The following TTC7A variants were observed in gnomAD, a reference collection of about 807,000 sequenced individuals.
TTC7A encodes tetratricopeptide repeat domain 7A.
In TTC7A, 110 loss-of-function variants were observed where a neutral mutation model predicts 103.7. The ratio of observed to expected loss-of-function variants is 1.06; its 90% CI spans 0.91 to 1.24. TTC7A has a LOEUF of 1.24. Among genes scored for constraint, TTC7A ranks in the 50% most tolerant of loss-of-function variants. TTC7A has a pLI of 0.00. For synonymous variants in TTC7A, 521 were observed against 467.9 expected, an observed-to-expected ratio of 1.11 and a Z score of -1.47; for missense variants, 1,340 against 1,116.3, an observed-to-expected ratio of 1.20 and a Z score of -2.86.
intron 19 of TTC7A, among the ~76,000 whole-genome samples, chr2:47,068,877 A>AAG (rs1193224041): frequency 2.1e-5 from 3 of 140,056 alleles, no homozygotes; most frequent in African/African-American, 8.1e-5. Context: ...AAAAAAAAAA[A>AAG]AAAAAAAAAA....
intron 3 of TTC7A, among the ~76,000 whole-genome samples, chr2:46,964,536 A>G (rs1184359861): frequency 2.0e-5 from 3 of 152,110 alleles, no homozygotes; most frequent in African/African-American, 7.2e-5. Flanking sequence ...AGGCTCACCT[A>G]TGGTTCAGCA....
At chr2:46,959,940 C>G (rs2104052723) in intron 3 of TTC7A, among the ~76,000 whole-genome samples, 1 of 152,310 alleles carries the variant, frequency 6.6e-6, no homozygotes, top group Middle Eastern at 3.4e-3. Flanking sequence ...GTCACATTTG[C>G]TTAGAAACAA....
chr2:47,038,216 G>A (rs1468711387), intron 15 of TTC7A, among the ~76,000 whole-genome samples: 1 of 150,270 alleles, frequency 6.7e-6, no homozygotes, highest in Non-Finnish European at 1.5e-5. Flanking sequence ...CCGAGATCAC[G>A]CCACTGCACT....
intron 19 of TTC7A, among the ~76,000 whole-genome samples, chr2:47,071,726 C>G (rs573584481): frequency 6.6e-6 from 1 of 152,178 alleles, no homozygotes; most frequent in Non-Finnish European, 1.5e-5. Flanking sequence ...CTGCAAACCT[C>G]CGAAACTGAG....
At position 46,958,440 on chromosome 2, in the gene TTC7A, C is replaced by G. The variant is rs919481066; in HGVS notation, c.517+1433C>G. On this transcript the variant is annotated intron_variant, in intron 3 of 19. Coordinates refer to ENST00000319190, the MANE Select transcript of TTC7A (RefSeq NM_020458.4). ...CGGGCTTCCTTTCCGGGACTTTCTCCTGAGCCTGGCTCAGGATGGATTGCC... is the reference window on the plus strand; with the variant it reads ...CGGGCTTCCTTTCCGGGACTTTCTCGTGAGCCTGGCTCAGGATGGATTGCC... 3.9e-6 allele frequency: 5 copies of G among 1,280,222 alleles called. No homozygotes were observed. In the African/African-American group the frequency reaches 7.7e-5, roughly 20 times the overall value. The allele number at this position is 1,280,222 out of a possible 1,614,324, so 79.3% of individuals were successfully genotyped here.
intron 1 of TTC7A, among the ~76,000 whole-genome samples, chr2:46,945,288 C>G (rs1670834207): frequency 1.3e-5 from 2 of 152,010 alleles, no homozygotes; most frequent in South Asian, 4.2e-4. Context: ...GAGTCTTGCT[C>G]TGTTGCCAGG....
intron 1 of TTC7A, among the ~76,000 whole-genome samples, chr2:46,947,287 G>A (rs180841216): frequency 1.2e-3 from 178 of 152,262 alleles, no homozygotes; most frequent in African/African-American, 4.0e-3. Flanking sequence ...TTTCAGGGCT[G>A]TAGAGATGAA....
At chr2:47,055,896 C>T (rs141700331) in intron 18 of TTC7A, among the ~76,000 whole-genome samples, 2 of 152,190 alleles carry the variant, frequency 1.3e-5, no homozygotes, top group African/African-American at 4.8e-5. Flanking sequence ...AGCTGGCGCT[C>T]ACCCTTGGTC....
chr2:47,008,298 G>A (rs554527761), intron 10 of TTC7A, among the ~76,000 whole-genome samples: 101 of 152,322 alleles, frequency 6.6e-4, no homozygotes, highest in Non-Finnish European at 1.3e-3. Flanking sequence ...CTCCTGCTCA[G>A]AAAAATTCAC....
chr2:46,993,446 C>G lies in TTC7A; in HGVS notation c.765-4C>G. The G allele has an allele frequency of 6.2e-7, 1 of 1,614,168 alleles. No individual in the cohort carries two copies. ...CAAATCTACTTCTGCCGTCCTCCCA[C>G]CAGGAACATCGTGAAGGGCATGAGA... On this transcript the variant is annotated splice_region_variant and splice_polypyrimidine_tract_variant and intron_variant, in intron 5 of 19. Transcript: ENST00000319190.
At chr2:46,978,975 A>G in intron 5 of TTC7A, 68 bp downstream of exon 5, 1 of 1,123,822 alleles carries the variant, frequency 8.9e-7, no homozygotes, top group Non-Finnish European at 1.3e-6. Flanking sequence ...ACGTGGCCTT[A>G]AGGCTGCTCT....
chr2:47,060,405 T>C (rs1289431163), intron 18 of TTC7A, among the ~76,000 whole-genome samples: 2 of 152,076 alleles, frequency 1.3e-5, no homozygotes, highest in African/African-American at 4.8e-5. Flanking sequence ...AAAAAAAGGC[T>C]GCAGTGAGCC....
chr2:46,917,982 T>C (rs994978296), intron 2 of TTC7A, among the ~76,000 whole-genome samples: 6 of 152,202 alleles, frequency 3.9e-5, no homozygotes, highest in Non-Finnish European at 8.8e-5. Flanking sequence ...CTATCCACCC[T>C]CCCTATGTGA....
intron 5 of TTC7A, among the ~76,000 whole-genome samples, chr2:46,986,511 G>A (rs1408957263): frequency 3.9e-5 from 6 of 152,222 alleles, no homozygotes; most frequent in South Asian, 4.2e-4. Flanking sequence ...GCTCTGTGCT[G>A]GGGGGGAAAG....
At position 47,066,449 on chromosome 2, in the gene TTC7A, G is replaced by C. The variant is rs529853760; in HGVS notation, c.2355+5478G>C. Among the ~76,000 whole-genome samples, 3 of 152,194 alleles carry C rather than the reference G, an allele frequency of 2.0e-5. No individual in the cohort carries two copies. The South Asian group carries it at 6.2e-4, about 32-fold the overall frequency. ...CCATCCAAGCCCAGAGCCTTTTTAG[G>C]TGCTCTGGGACTCTAACAAGAAGGC... On this transcript the variant is annotated intron_variant, in intron 19 of 19. Transcript: ENST00000319190.
rs1280585968 is a variant in TTC7A at position 46,934,800 on chromosome 2, T to C, written c.83-15563T>C. 3.3e-5 allele frequency among the ~76,000 whole-genome samples: 4 copies of C among 119,410 alleles called. 1 individual carries two copies. The South Asian group carries it at 9.3e-4, about 28-fold the overall frequency. The allele number at this position is 119,410 out of a possible 152,430, so 78.3% of individuals were successfully genotyped here. A position where few individuals can be genotyped will look rare whatever the true frequency, so the allele number is the denominator to read the frequency against. ...AAGACTACTGCTCTTTTTTTTTTTTTTTTTTTTTTTTTTTTTTTTGAGACT... is the reference window on the plus strand; with the variant it reads ...AAGACTACTGCTCTTTTTTTTTTTTCTTTTTTTTTTTTTTTTTTTGAGACT... On this transcript the variant is annotated intron_variant, in intron 2 of 20. Transcript: ENST00000409245.
At chr2:47,045,113 G>A (rs990559076) in intron 15 of TTC7A, among the ~76,000 whole-genome samples, 2 of 152,230 alleles carry the variant, frequency 1.3e-5, no homozygotes, top group Non-Finnish European at 2.9e-5. Context: ...ATACTGAGAA[G>A]AAAGGGCCTC....
intron 4 of TTC7A, 125 bp from the exon 5 acceptor site, chr2:46,978,667 G>A (rs1177802792): frequency 3.0e-6 from 2 of 655,950 alleles, no homozygotes; most frequent in East Asian, 5.7e-5. Context: ...AGCCTGGTCT[G>A]AGAATGCAAC....
intron 19 of TTC7A, among the ~76,000 whole-genome samples, 153 bp from the exon 20 acceptor site, chr2:47,073,549 A>G (rs1466899465): frequency 1.3e-5 from 2 of 152,152 alleles, no homozygotes; most frequent in African/African-American, 4.8e-5. Flanking sequence ...GTATGGGGAA[A>G]GGCACAGTCA....
Sources: gnomAD v4.1 joint callset for allele counts (sites outside exome capture counted in the v4.1 genomes callset) on GRCh38, gnomAD v4.1.1 for gene constraint, MANE v1.5 for transcripts, NCBI Gene and HGNC (gene_info 2026-07-23, HGNC 2026-07-21) for gene names.